Variants in CAMKK1 observed in about 807,000 individuals in gnomAD.
CAMKK1 encodes calcium/calmodulin dependent protein kinase kinase 1.
In CAMKK1, 20 loss-of-function variants were observed where a neutral mutation model predicts 63.5. That is an observed-to-expected ratio of 0.32 (90% CI 0.22 to 0.46). CAMKK1 has a LOEUF of 0.46. CAMKK1 is among the 20% of genes least tolerant of loss of function. The probability of loss-of-function intolerance (pLI) is 1.00; values close to 1 mark genes in which losing one functional copy is unlikely to be tolerated. For missense variants in CAMKK1, 588 were observed against 658.1 expected (o/e 0.89, Z 1.17); for synonymous variants, 253 against 269.0 (o/e 0.94, Z 0.58).
At chr17:3,891,085 G>A (rs897803457) in intron 1 of CAMKK1, among the ~76,000 whole-genome samples, 2 of 150,238 alleles carry the variant, frequency 1.3e-5, no homozygotes, top group African/African-American at 2.5e-5. Context: ...AGGAGCAGAA[G>A]TGGCCTCAGA....
chr17:3,873,892 G>A (rs2055020929), intron 10 of CAMKK1, among the ~76,000 whole-genome samples: 1 of 152,008 alleles, frequency 6.6e-6, no homozygotes, highest in Non-Finnish European at 1.5e-5. Flanking sequence ...ATTGCAAACA[G>A]CCCCTGCCCA....
rs955238109 is a variant in CAMKK1, at chr17:3,870,378, T to C, written c.1125-490A>G. Among the ~76,000 whole-genome samples, 7 of 151,712 alleles carry C rather than the reference T, an allele frequency of 4.6e-5. No individual in the cohort carries two copies. In the South Asian group the frequency reaches 1.3e-3, roughly 27 times the overall value. On this transcript the variant is annotated intron_variant, in intron 12 of 15. Transcript: ENST00000348335. ...TGCCCAAACCCCAGGGTTCTTTTTT[T>C]TTTTTGAGATGGAGTCTCGCTCTGT...
rs2055434381 is a variant in CAMKK1 at position 3,882,154 on chromosome 17, C to T, written c.685+374G>A. The T allele has an allele frequency of 5.4e-6, 4 of 736,120 alleles. No homozygotes were observed. The highest frequency in any genetic ancestry group is 1.8e-5 in the African/African-American group (1 of 56,880). 45.6% of individuals were successfully genotyped at this position (736,120 alleles called of 1,614,324 possible). ...TTACTCATTTACTCTTCACAGGAAC[C>T]CTATGAGGTAGACACCACTAGTATC... On this transcript the variant is annotated intron_variant, in intron 7 of 15. Transcript: ENST00000348335. The surrounding 1 kb of genome is among the most constrained non-coding windows in gnomAD (Gnocchi z 4.3).
At chr17:3,880,117 G>A (rs1385279766) in intron 9 of CAMKK1, 5 of 566,566 alleles carry the variant, frequency 8.8e-6, no homozygotes, top group African/African-American at 3.8e-5. Context: ...CAGACCCACA[G>A]GACCAGACAC....
chr17:3,888,956 C>A (rs576727422), intron 1 of CAMKK1, among the ~76,000 whole-genome samples: 7 of 152,014 alleles, frequency 4.6e-5, no homozygotes, highest in Admixed American at 3.3e-4. Context: ...CACACAGGAG[C>A]GCACTGCATG....
At chr17:3,881,050 G>A (rs1007163167) in intron 8 of CAMKK1, among the ~76,000 whole-genome samples, 1 of 152,236 alleles carries the variant, frequency 6.6e-6, no homozygotes, top group African/African-American at 2.4e-5. Flanking sequence ...CCTTGGCAGT[G>A]AGGGTCCCGG....
At position 3,883,254 on chromosome 17, in the gene CAMKK1, G is replaced by C; in HGVS notation, c.515-79C>G. The C allele has an allele frequency of 6.3e-7, 1 of 1,582,568 alleles. No homozygotes were observed. The highest frequency in any genetic ancestry group is 2.2e-5 in the East Asian group (1 of 44,602). On this transcript the variant is annotated intron_variant, in intron 5 of 15. Coordinates refer to ENST00000348335, the MANE Select transcript of CAMKK1 (RefSeq NM_032294.3). This position sits in a 1 kb window ranked among gnomAD's most constrained non-coding sequence, Gnocchi z 4.7. ...TGGCCCCCAAACCAGTCTCAAGCAA[G>C]AGTCTTGCATGCCCGTGGTCTTGTC...
Position 3,867,071 on chromosome 17 carries a change from A to G in CAMKK1, c.1342-1060T>C, listed in dbSNP as rs528701934. ...GGGAGACAGGCGATAAGTAAAGAAG[A>G]AAAATCAGTAAATTATGTATGTCAG... On this transcript the variant is annotated intron_variant, in intron 14 of 15. Transcript: ENST00000348335. Among the ~76,000 whole-genome samples the G allele has an allele frequency of 2.4e-4, 37 of 152,362 alleles. No individual in the cohort carries two copies. The Middle Eastern group carries it at 0.014, about 56-fold the overall frequency.
Position 3,890,648 on chromosome 17 carries a change from C to T in CAMKK1, c.-44+2291G>A, listed in dbSNP as rs749781350. On this transcript the variant is annotated intron_variant, in intron 1 of 15. Coordinates refer to ENST00000348335, the MANE Select transcript of CAMKK1 (RefSeq NM_032294.3). The surrounding 1 kb of genome is among the most constrained non-coding windows in gnomAD (Gnocchi z 6.5). Reference sequence around the variant, plus strand: ...TCCGGGAGCCCTCCTTGTCACTCGTCCTTTCCCTGTTGCCCACCCTTGCTC... The same window carrying T: ...TCCGGGAGCCCTCCTTGTCACTCGTTCTTTCCCTGTTGCCCACCCTTGCTC... The T allele has an allele frequency of 4.2e-5, 33 of 779,588 alleles. No individual in the cohort carries two copies. The highest frequency in any genetic ancestry group is 6.5e-5 in the Non-Finnish European group (27 of 417,944). The allele number at this position is 779,588 out of a possible 1,614,324, so 48.3% of individuals were successfully genotyped here.
Position 3,872,634 on chromosome 17 carries a change from G to T in CAMKK1, c.1051-7C>A. 6.2e-7 allele frequency: 1 copy of T among 1,613,084 alleles called. No homozygotes were observed. Among genetic ancestry groups the T allele is most frequent in the Non-Finnish European group, 8.5e-7 (1 of 1,179,014 alleles). ...AATCGTCGATGAATGGGCACTGTGG[G>T]GTGGAGAGGCAGACAAAGGATGTGG... On this transcript the variant is annotated splice_polypyrimidine_tract_variant and splice_region_variant and intron_variant, in intron 11 of 15. Transcript: ENST00000348335.
intron 1 of CAMKK1, among the ~76,000 whole-genome samples, chr17:3,886,010 T>C (rs1221385698): frequency 1.3e-5 from 2 of 152,222 alleles, no homozygotes; most frequent in Non-Finnish European, 2.9e-5. Context: ...TCTGATATTC[T>C]GGAATCAGGA....
intron 10 of CAMKK1, among the ~76,000 whole-genome samples, chr17:3,875,443 G>A (rs923834861): frequency 3.3e-5 from 5 of 151,774 alleles, no homozygotes; most frequent in African/African-American, 4.8e-5. Flanking sequence ...TACCACACCT[G>A]TCTAATGTTT....
rs1358184994 is a variant in CAMKK1 at position 3,887,341 on chromosome 17, C to T, written c.-43-1611G>A. Among the ~76,000 whole-genome samples the T allele has an allele frequency of 6.6e-6, 1 of 152,150 alleles. No individual in the cohort carries two copies. ...TGTTGAATGAGTAGAAGCCTGGAGG[C>T]GGTGGGGCTGGTGCTGACATGGAGA... On this transcript the variant is annotated intron_variant, in intron 1 of 15. Coordinates refer to ENST00000348335, the MANE Select transcript of CAMKK1 (RefSeq NM_032294.3). This position sits in a 1 kb window ranked among gnomAD's most constrained non-coding sequence, Gnocchi z 6.1.
Position 3,890,191 on chromosome 17 carries a change from C to A in CAMKK1, c.-44+2748G>T, listed in dbSNP as rs2055838869. On this transcript the variant is annotated intron_variant, in intron 1 of 15. Coordinates refer to ENST00000348335, the MANE Select transcript of CAMKK1 (RefSeq NM_032294.3). The surrounding 1 kb of genome is among the most constrained non-coding windows in gnomAD (Gnocchi z 6.5). Reference sequence around the variant, plus strand: ...TGGCCCTGGCAACGGGTGCCCTCCGCAGCTCCCGCCCCCACCCGGGATGAC... The same window carrying A: ...TGGCCCTGGCAACGGGTGCCCTCCGAAGCTCCCGCCCCCACCCGGGATGAC... 2.0e-5 allele frequency among the ~76,000 whole-genome samples: 3 copies of A among 152,194 alleles called. No homozygotes were observed.
intron 12 of CAMKK1, 39 bp from the exon 13 acceptor site, chr17:3,869,927 T>A (rs1213743667): frequency 1.3e-6 from 2 of 1,497,338 alleles, no homozygotes; most frequent in Non-Finnish European, 1.9e-6. Context: ...GTGGGACCGC[T>A]GATGAGGACC....
At chr17:3,870,876 G>A (rs545145669) in intron 12 of CAMKK1, among the ~76,000 whole-genome samples, 1 of 152,288 alleles carries the variant, frequency 6.6e-6, no homozygotes, top group African/African-American at 2.4e-5. Context: ...TGTGGAGGCA[G>A]GGAGGGAAGG....
At chr17:3,891,373 G>C (rs2055896996) in intron 1 of CAMKK1, among the ~76,000 whole-genome samples, 1 of 152,214 alleles carries the variant, frequency 6.6e-6, no homozygotes, top group African/African-American at 2.4e-5. Flanking sequence ...CGAGTAAGAA[G>C]GATCAAGAGA....
Position 3,885,709 on chromosome 17 carries a change from T to C in CAMKK1, c.-22A>G. The C allele has an allele frequency of 6.2e-7, 1 of 1,609,884 alleles. No individual in the cohort carries two copies. The highest frequency in any genetic ancestry group is 8.5e-7 in the Non-Finnish European group (1 of 1,179,826). Reference sequence around the variant, plus strand: ...CCATTGCTTCAGTCAAGGGGGTTCTTCTGCGTAGCCTTGTTGGGAACCTGA... The same window carrying C: ...CCATTGCTTCAGTCAAGGGGGTTCTCCTGCGTAGCCTTGTTGGGAACCTGA... On this transcript the variant is annotated 5_prime_UTR_variant, in exon 2 of 16. Coordinates refer to ENST00000348335, the MANE Select transcript of CAMKK1 (RefSeq NM_032294.3).
At position 3,862,935 on chromosome 17, in the gene CAMKK1, C is replaced by T. The variant is rs958110103; in HGVS notation, c.1446-652G>A. Reference sequence around the variant, plus strand: ...TGCAGGCGTGAGCCACCGTGCCCGGCCTGAGGGCCTTCTGTGTTGACCTCA... The same window carrying T: ...TGCAGGCGTGAGCCACCGTGCCCGGTCTGAGGGCCTTCTGTGTTGACCTCA... On this transcript the variant is annotated intron_variant, in intron 15 of 15. Transcript: ENST00000348335. This position sits in a 1 kb window ranked among gnomAD's most constrained non-coding sequence, Gnocchi z 4.1. Among the ~76,000 whole-genome samples the T allele has an allele frequency of 6.6e-6, 1 of 152,174 alleles. No individual in the cohort carries two copies. The highest frequency in any genetic ancestry group is 2.4e-5 in the African/African-American group (1 of 41,442).
Sources: gnomAD v4.1 joint callset for allele counts (sites outside exome capture counted in the v4.1 genomes callset) on GRCh38, gnomAD v4.1.1 for gene constraint, Gnocchi (gnomAD v3.1) non-coding constraint, MANE v1.5 for transcripts, NCBI Gene and HGNC (gene_info 2026-07-23, HGNC 2026-07-21) for gene names.